Variants in KATNA1 observed in about 807,000 individuals in gnomAD.
The protein encoded by KATNA1 is katanin p60 ATPase-containing subunit A1.
Under a neutral mutation model 62.6 loss-of-function variants are expected in KATNA1, and 42 were observed. That is an observed-to-expected ratio of 0.67 (90% CI 0.52 to 0.87). The LOEUF (loss-of-function observed/expected upper bound fraction) is 0.87. Ranked by LOEUF, KATNA1 falls within the 40% of genes least tolerant of loss-of-function variation. The probability of loss-of-function intolerance (pLI) is 0.00; values close to 1 mark genes in which losing one functional copy is unlikely to be tolerated. For synonymous variants in KATNA1, 186 were observed against 201.9 expected (o/e 0.92, Z 0.67); for missense variants, 498 against 612.5 (o/e 0.81, Z 1.97).
chr6:149,632,551 A>G (rs922185998), intron 3 of KATNA1, among the ~76,000 whole-genome samples: 11 of 152,138 alleles, frequency 7.2e-5, no homozygotes, highest in Admixed American at 3.3e-4. Context: ...ACAAAAGCAT[A>G]TTTTTAAATT....
intron 1 of KATNA1, among the ~76,000 whole-genome samples, chr6:149,645,501 A>G (rs536147496): frequency 4.2e-4 from 64 of 152,152 alleles, no homozygotes; most frequent in African/African-American, 1.5e-3. Context: ...GACTCAGTGT[A>G]AGCACCATGA....
rs576185226 is a variant in KATNA1 at position 149,632,105 on chromosome 6, G to C, written c.320+654C>G. ...TCCTCTCTTTGCGTAAGAAAAATCT[G>C]AGGCCTGGCTGGGCACGGTGGCTCA... is the stretch of plus-strand genomic sequence containing the variant. On this transcript the variant is annotated intron_variant, in intron 3 of 10. Coordinates refer to ENST00000367411, the MANE Select transcript of KATNA1 (RefSeq NM_007044.4). Among the ~76,000 whole-genome samples the C allele has an allele frequency of 1.4e-3, 214 of 152,192 alleles. 1 individual carries two copies. Among genetic ancestry groups the C allele is most frequent in the Non-Finnish European group, 2.3e-3 (158 of 67,996 alleles).
rs369384760 is a variant in KATNA1 at position 149,623,146 on chromosome 6, C to T, written c.458G>A (p.Arg153His). ...ATTCTGTTCTTTCTTTTCACGACAA[C>T]GAACAGCTTTCCCTCTGTCATTGTG... ...NVHNDRGKAVRCREKKEQNKG... is the reference protein window; with the variant it reads ...NVHNDRGKAVHCREKKEQNKG... Residue 153 changes from arginine (R) to histidine (H), a missense_variant, in exon 4 of 11, where the codon CGT (arginine) becomes CAT (histidine). This residue lies in a region of KATNA1 where 203 missense variants were observed against 198.4 expected (regional missense o/e 1.02). Coordinates refer to ENST00000367411, the MANE Select transcript of KATNA1 (RefSeq NM_007044.4). The T allele has an allele frequency of 8.3e-5, 133 of 1,608,878 alleles. 1 individual carries two copies. Among genetic ancestry groups the T allele is most frequent in the Non-Finnish European group, 8.1e-5 (96 of 1,178,662 alleles).
At chr6:149,632,190 G>C (rs981299332) in intron 3 of KATNA1, among the ~76,000 whole-genome samples, 1 of 151,714 alleles carries the variant, frequency 6.6e-6, no homozygotes, top group African/African-American at 2.4e-5. Context: ...TGAGGAGAAC[G>C]AGACCAGCCT....
In KATNA1 at chr6:149,601,589, T is replaced by C; in HGVS notation, c.888+5A>G. The C allele has an allele frequency of 6.3e-7, 1 of 1,598,816 alleles. No homozygotes were observed. The highest frequency in any genetic ancestry group is 8.5e-7 in the Non-Finnish European group (1 of 1,173,622). ...AGAATCATTAGAGCTGTCTCAAACA[T>C]TCACCATTTCAAACAGAAGACGAAC... On this transcript the variant is annotated splice_donor_5th_base_variant and intron_variant, in intron 7 of 10. Coordinates refer to ENST00000367411, the MANE Select transcript of KATNA1 (RefSeq NM_007044.4).
chr6:149,615,228 G>A (rs191370900), intron 4 of KATNA1, among the ~76,000 whole-genome samples: 29 of 149,756 alleles, frequency 1.9e-4, no homozygotes, highest in African/African-American at 7.1e-4. Flanking sequence ...TTTTGAGATG[G>A]AGTTTTGCTC....
At chr6:149,605,018 C>G (rs768642721) in intron 4 of KATNA1, among the ~76,000 whole-genome samples, 4 of 151,792 alleles carry the variant, frequency 2.6e-5, no homozygotes, top group Admixed American at 2.6e-4. Flanking sequence ...ACTAAAAATA[C>G]AAAAAATTAG....
At chr6:149,628,819 CAA>C (rs1285574683) in intron 3 of KATNA1, among the ~76,000 whole-genome samples, 4 of 92,806 alleles carry the variant, frequency 4.3e-5, no homozygotes, top group African/African-American at 8.1e-5. Flanking sequence ...GACTCCATCT[CAA>C]AAAAAAAAAA....
intron 4 of KATNA1, among the ~76,000 whole-genome samples, chr6:149,609,848 C>T (rs528655214): frequency 6.9e-6 from 1 of 145,226 alleles, no homozygotes; most frequent in South Asian, 2.2e-4. Flanking sequence ...TGTCTGTAAT[C>T]CCAGCACTTT....
In KATNA1 at chr6:149,595,208, C is replaced by T. The variant is rs1208305748; in HGVS notation, c.1304G>A (p.Arg435Lys). ...CTCTGGAGTCAAACCTTCAATGCGC[C>T]TTCTCATTGCCATCAAGGACGCATC... ...CRDASLMAMR[R>K]RIEGLTPEEI... is the part of the protein sequence containing the mutation. The change falls in exon 11 of 11, where the codon AGG becomes AAG. Residue 435 changes from arginine (R) to lysine (K), a missense_variant. Arg to Lys is a conservative substitution (Grantham distance 26). Around this residue, in one of 3 missense-constraint regions of KATNA1, gnomAD observed 267 missense variants for 372.6 expected, o/e 0.72. Transcript: ENST00000367411. The T allele has an allele frequency of 1.2e-6, 2 of 1,613,992 alleles. No individual in the cohort carries two copies. Among genetic ancestry groups the T allele is most frequent in the Non-Finnish European group, 8.5e-7 (1 of 1,179,894 alleles).
Position 149,595,023 on chromosome 6 carries a change from T to C in KATNA1, c.*13A>G. On this transcript the variant is annotated 3_prime_UTR_variant, in exon 11 of 11. Coordinates refer to ENST00000367411, the MANE Select transcript of KATNA1 (RefSeq NM_007044.4). ...CACTTAAGGCACATTTCTCACAGTT[T>C]ACATGTGAGAATTTAGCATGATCCA... 1 of 1,589,564 alleles carries C rather than the reference T, an allele frequency of 6.3e-7. No individual in the cohort carries two copies. Among genetic ancestry groups the C allele is most frequent in the African/African-American group, 1.3e-5 (1 of 74,564 alleles).
intron 4 of KATNA1, among the ~76,000 whole-genome samples, chr6:149,610,211 G>A (rs947409050): frequency 8.1e-5 from 12 of 148,548 alleles, no homozygotes; most frequent in African/African-American, 2.2e-4. Flanking sequence ...GAGTCAGGAA[G>A]ATCCCTTGAG....
chr6:149,629,170 G>C (rs192983343), intron 3 of KATNA1, among the ~76,000 whole-genome samples: 1 of 152,068 alleles, frequency 6.6e-6, no homozygotes, highest in African/African-American at 2.4e-5. Context: ...ATTTCCCACT[G>C]GGAACATCTA....
intron 2 of KATNA1, among the ~76,000 whole-genome samples, chr6:149,636,009 C>A (rs559456803): frequency 6.7e-6 from 1 of 149,708 alleles, no homozygotes; most frequent in Non-Finnish European, 1.5e-5. Flanking sequence ...GAGCTGAGAC[C>A]GCGCCATTGC....
chr6:149,611,470 A>C (rs1279453653), intron 4 of KATNA1, among the ~76,000 whole-genome samples: 6 of 149,668 alleles, frequency 4.0e-5, no homozygotes. Context: ...CTCAAAAAAA[A>C]AAAAAAAAAG....
At chr6:149,602,810 C>A (rs1778600779) in intron 6 of KATNA1, among the ~76,000 whole-genome samples, 1 of 151,904 alleles carries the variant, frequency 6.6e-6, no homozygotes, top group Non-Finnish European at 1.5e-5. Context: ...CAACCTCCAC[C>A]TCCCAGGTTC....
intron 2 of KATNA1, among the ~76,000 whole-genome samples, chr6:149,635,327 T>A (rs1056460395): frequency 1.3e-5 from 2 of 152,182 alleles, no homozygotes; most frequent in African/African-American, 4.8e-5. Context: ...TGTATTATAG[T>A]AATGGGTCTT....
intron 4 of KATNA1, among the ~76,000 whole-genome samples, chr6:149,614,146 T>C (rs1215245095): frequency 1.3e-5 from 2 of 152,186 alleles, no homozygotes; most frequent in Non-Finnish European, 2.9e-5. Flanking sequence ...AGGCCCTTAG[T>C]AGGCAACTGT....
intron 2 of KATNA1, among the ~76,000 whole-genome samples, chr6:149,633,284 T>A (rs1779924371): frequency 6.6e-6 from 1 of 151,850 alleles, no homozygotes; most frequent in South Asian, 2.1e-4. Flanking sequence ...ATTTTGTGTA[T>A]TTTTAGTAGA....
Sources: allele counts gnomAD v4.1 joint callset (sites outside exome capture counted in the v4.1 genomes callset), GRCh38; gene constraint gnomAD v4.1.1; regional missense constraint gnomAD v4.1.1; transcripts MANE v1.5; gene names NCBI Gene and HGNC (gene_info 2026-07-23, HGNC 2026-07-21).